Variants in CHL1 observed in about 807,000 individuals in gnomAD.
CHL1 encodes the protein cell adhesion molecule L1 like, also known as neural cell adhesion molecule L1-like protein.
In CHL1, 96 loss-of-function variants were observed where a neutral mutation model predicts 141.9. The ratio of observed to expected loss-of-function variants is 0.68; its 90% CI spans 0.57 to 0.80. CHL1 has a LOEUF of 0.80. CHL1 is among the 30% of genes least tolerant of loss of function. The probability of loss-of-function intolerance (pLI) is 0.00; values close to 1 mark genes in which losing one functional copy is unlikely to be tolerated. For missense variants in CHL1, 1,820 were observed against 1,457.2 expected, an observed-to-expected ratio of 1.25 and a Z score of -4.05; for synonymous variants, 613 against 502.2, an observed-to-expected ratio of 1.22 and a Z score of -2.95.
At chr3:405,292 T>C (rs1040914017) in intron 27 of CHL1, among the ~76,000 whole-genome samples, 8 of 152,304 alleles carry the variant, frequency 5.3e-5, no homozygotes, top group African/African-American at 1.7e-4. Flanking sequence ...GGAAATTGCT[T>C]ATGACTTTGT....
intron 12 of CHL1, among the ~76,000 whole-genome samples, chr3:360,734 G>A (rs1242113976): frequency 5.6e-5 from 3 of 53,218 alleles, no homozygotes; most frequent in East Asian, 4.4e-4. Context: ...ATGCTATCCC[G>A]CCCCCCCTCC....
intron 1 of CHL1, chr3:197,775 C>G (rs1384558973): frequency 4.4e-6 from 2 of 455,662 alleles, no homozygotes; most frequent in Non-Finnish European, 8.8e-6. Flanking sequence ...CGCCGGGGGC[C>G]GTGGTTGCCA....
intron 1 of CHL1, among the ~76,000 whole-genome samples, chr3:234,810 A>C (rs1191229741): frequency 6.6e-6 from 1 of 152,130 alleles, no homozygotes; most frequent in Non-Finnish European, 1.5e-5. Context: ...CCAGACACAG[A>C]ATAGTCAAGT....
chr3:393,943 A>G (rs1708458852), intron 23 of CHL1, among the ~76,000 whole-genome samples: 1 of 152,182 alleles, frequency 6.6e-6, no homozygotes, highest in African/African-American at 2.4e-5. Flanking sequence ...ACTGGGAGTC[A>G]AGAGGATTTA....
In CHL1 at chr3:333,124, A is replaced by ATT. The variant is rs879790982; in HGVS notation, c.385+4777_385+4778dup. Among the ~76,000 whole-genome samples, 679 of 83,334 alleles carry ATT rather than the reference A, an allele frequency of 8.1e-3. 138 individuals are homozygous for ATT. The highest frequency in any genetic ancestry group is 0.018 in the African/African-American group (393 of 21,978). The allele number at this position is 83,334 out of a possible 152,430, so 54.7% of individuals were successfully genotyped here. ...AGCTACGTTGTTGGATAATTGCTCTATTTTTTTTATTTTTTTTTTTTGCTG... is the reference window on the plus strand; with the variant it reads ...AGCTACGTTGTTGGATAATTGCTCTATTTTTTTTTTATTTTTTTTTTTTGCTG... On this transcript the variant is annotated intron_variant, in intron 5 of 27. Transcript: ENST00000256509.
In CHL1 at chr3:256,121, G is replaced by C. The variant is rs536280229; in HGVS notation, c.-95+11429G>C. Among the ~76,000 whole-genome samples the C allele has an allele frequency of 2.6e-5, 4 of 152,302 alleles. No homozygotes were observed. In the South Asian group the frequency reaches 6.2e-4, roughly 24 times the overall value. On this transcript the variant is annotated intron_variant, in intron 2 of 27. Transcript: ENST00000256509. ...GCTTAGAGCTAAACATATTCTAAGC[G>C]AAGTAAGGAGGTTTCATGCTTCTGT... is the stretch of plus-strand genomic sequence containing the variant.
intron 15 of CHL1, among the ~76,000 whole-genome samples, chr3:368,649 C>T (rs1270725454): frequency 6.6e-6 from 1 of 152,092 alleles, no homozygotes; most frequent in Admixed American, 6.6e-5. Flanking sequence ...TTGCCATTTT[C>T]ATCATGAAGT....
At chr3:398,188 G>T in intron 24 of CHL1, 39 bp from the exon 25 acceptor site, 1 of 1,372,580 alleles carries the variant, frequency 7.3e-7, no homozygotes, top group South Asian at 1.7e-5. Context: ...GTTTTTCCAT[G>T]ATTACAATTC....
chr3:396,094 T>C (rs2106405581), intron 24 of CHL1, among the ~76,000 whole-genome samples: 1 of 152,296 alleles, frequency 6.6e-6, no homozygotes, highest in South Asian at 2.1e-4. Flanking sequence ...GTGGGAAAAT[T>C]GTATAATCCA....
intron 3 of CHL1, among the ~76,000 whole-genome samples, chr3:324,063 T>C (rs187786619): frequency 1.6e-3 from 247 of 152,284 alleles, no homozygotes; most frequent in African/African-American, 5.8e-3. Flanking sequence ...GTAAATATTG[T>C]TAGCTATACC....
intron 2 of CHL1, among the ~76,000 whole-genome samples, chr3:285,290 G>A (rs974081963): frequency 3.3e-5 from 5 of 152,164 alleles, no homozygotes; most frequent in African/African-American, 1.2e-4. Context: ...TGACAGCTGG[G>A]TGACTTGGGC....
intron 1 of CHL1, among the ~76,000 whole-genome samples, chr3:223,296 G>A (rs1701023279): frequency 6.6e-6 from 1 of 152,056 alleles, no homozygotes; most frequent in Non-Finnish European, 1.5e-5. Context: ...AAGTGTTATA[G>A]GAATACAAAT....
chr3:328,070 A>G (rs918993927), intron 4 of CHL1, 97 bp from the exon 5 acceptor site: 22 of 865,276 alleles, frequency 2.5e-5, no homozygotes, highest in Non-Finnish European at 3.3e-5. Flanking sequence ...TTTATCATAA[A>G]ATGTCTTGGT....
intron 1 of CHL1, among the ~76,000 whole-genome samples, chr3:234,445 G>C (rs921794661): frequency 1.3e-5 from 2 of 152,058 alleles, no homozygotes; most frequent in Admixed American, 1.3e-4. Flanking sequence ...AGCATGAGAC[G>C]TTACGTAGTT....
chr3:250,925 G>C (rs888331894), intron 2 of CHL1, among the ~76,000 whole-genome samples: 22 of 152,258 alleles, frequency 1.4e-4, no homozygotes, highest in African/African-American at 5.3e-4. Context: ...GATTGTTTTT[G>C]TGTGGCTGTT....
intron 2 of CHL1, among the ~76,000 whole-genome samples, chr3:275,863 C>A (rs182804): frequency 0.021 from 3,187 of 152,028 alleles, 123 homozygotes; most frequent in African/African-American, 0.074. Context: ...ATATTATTAG[C>A]AATCATGATT....
chr3:337,850 C>T (rs9871714), intron 5 of CHL1, among the ~76,000 whole-genome samples: 13,113 of 152,054 alleles, frequency 0.086, 675 homozygotes, highest in African/African-American at 0.13. Flanking sequence ...CATGTGTCTT[C>T]ATAGCAGCAT....
Position 219,245 on chromosome 3 carries a change from C to G in CHL1, c.-175+22182C>G, listed in dbSNP as rs116282285. ...TAGCGGGGGTGTAAATTAGGTCAAC[C>G]GTTGTAGAAGACAGTGTGGTGACTC... On this transcript the variant is annotated intron_variant, in intron 1 of 27. Transcript: ENST00000256509. 3.9e-3 allele frequency among the ~76,000 whole-genome samples: 596 copies of G among 152,134 alleles called. 5 individuals are homozygous for G. The highest frequency in any genetic ancestry group is 0.014 in the African/African-American group (561 of 41,512).
At chr3:346,244 C>T (rs1702761197) in intron 9 of CHL1, among the ~76,000 whole-genome samples, 1 of 152,142 alleles carries the variant, frequency 6.6e-6, no homozygotes, top group African/African-American at 2.4e-5. Context: ...TCTTCAACTC[C>T]CAATGTGTAT....
Sources: gnomAD v4.1 joint callset for allele counts (sites outside exome capture counted in the v4.1 genomes callset) on GRCh38, gnomAD v4.1.1 for gene constraint, MANE v1.5 for transcripts, NCBI Gene and HGNC (gene_info 2026-07-23, HGNC 2026-07-21) for gene names.